SLC25A18: variants seen among roughly 807,000 people sequenced by gnomAD.
SLC25A18 encodes mitochondrial glutamate carrier 2.
Under a neutral mutation model 31.1 loss-of-function variants are expected in SLC25A18, and 24 were observed. The observed-to-expected ratio is 0.77, with a 90% CI of 0.56 to 1.08. SLC25A18 has a LOEUF of 1.08. SLC25A18 is among the 50% of genes least tolerant of loss of function. SLC25A18 has a pLI of 0.00. For missense variants in SLC25A18, 371 were observed against 418.5 expected (o/e 0.89, Z 0.99); for synonymous variants, 173 against 161.9 (o/e 1.07, Z -0.52).
chr22:17,565,373 G>A (rs174365), intron 1 of SLC25A18, among the ~76,000 whole-genome samples: 75,117 of 151,164 alleles, frequency 0.5, 18,717 homozygotes, highest in Non-Finnish European at 0.51. Flanking sequence ...GAGCCACCAC[G>A]CCCTGCCAAA....
At chr22:17,578,893 T>C (rs1328186047) in intron 2 of SLC25A18, among the ~76,000 whole-genome samples, 1 of 151,998 alleles carries the variant, frequency 6.6e-6, no homozygotes, top group Non-Finnish European at 1.5e-5. Context: ...AGAGCGAAAC[T>C]CCATCTCAAA....
intron 2 of SLC25A18, 35 bp from the exon 3 acceptor site, chr22:17,579,710 T>C: frequency 7.3e-7 from 1 of 1,361,876 alleles, no homozygotes; most frequent in Non-Finnish European, 9.4e-7. Context: ...TCCTCGCCCA[T>C]CTGTGAGGTG....
intron 2 of SLC25A18, among the ~76,000 whole-genome samples, chr22:17,576,819 G>A (rs1468793177): frequency 6.6e-6 from 1 of 152,316 alleles, no homozygotes; most frequent in East Asian, 1.9e-4. Flanking sequence ...TATCACATCT[G>A]TTAGCTATGC....
intron 2 of SLC25A18, among the ~76,000 whole-genome samples, chr22:17,573,565 GTTCT>G (rs1398110775): frequency 6.6e-6 from 1 of 152,182 alleles, no homozygotes; most frequent in African/African-American, 2.4e-5. Context: ...CAGCTGAGGT[GTTCT>G]TTCTGTCAAG....
intron 7 of SLC25A18, among the ~76,000 whole-genome samples, chr22:17,586,336 CCTT>C (rs1018543711): frequency 6.6e-6 from 1 of 151,030 alleles, no homozygotes; most frequent in African/African-American, 2.4e-5. Flanking sequence ...TGGTAAGACA[CCTT>C]CTCTACTAAA....
At chr22:17,589,859 C>T (rs1260143299) in intron 10 of SLC25A18, among the ~76,000 whole-genome samples, 194 bp downstream of exon 10, 1 of 152,220 alleles carries the variant, frequency 6.6e-6, no homozygotes, top group East Asian at 1.9e-4. Flanking sequence ...TACAGCATCT[C>T]TCACCAAAGA....
intron 10 of SLC25A18, 145 bp from the exon 11 acceptor site, chr22:17,589,950 C>G (rs2057672164): frequency 1.7e-6 from 2 of 1,200,418 alleles, no homozygotes; most frequent in Non-Finnish European, 2.3e-6. Flanking sequence ...GCGGGCGAGG[C>G]ACAGCTCCCA....
At chr22:17,573,856 T>A (rs1375910943) in intron 2 of SLC25A18, among the ~76,000 whole-genome samples, 1 of 152,078 alleles carries the variant, frequency 6.6e-6, no homozygotes, top group Non-Finnish European at 1.5e-5. Context: ...CTCTGAAGGG[T>A]CTCCTAATTG....
intron 2 of SLC25A18, among the ~76,000 whole-genome samples, chr22:17,573,739 C>A (rs187928913): frequency 1.3e-5 from 2 of 152,164 alleles, no homozygotes; most frequent in African/African-American, 4.8e-5. Context: ...TGGTTCTCTG[C>A]GGTTCAGCCC....
At chr22:17,579,676 G>T in intron 2 of SLC25A18, 69 bp from the exon 3 acceptor site, 1 of 1,213,350 alleles carries the variant, frequency 8.2e-7, no homozygotes, top group Non-Finnish European at 1.0e-6. Context: ...CAAGCGGGCC[G>T]CATGAATCCA....
rs746032622 is a variant in SLC25A18 at position 17,582,589 on chromosome 22, A to C, written c.226A>C (p.Thr76Pro). ...RGAAVNLTLV[T>P]PEKAIKLAAN... ...GGCTGCAGTGAACCTCACTCTGGTC[A>C]CTCCAGAGAAGGCCATCAAGCTGGC... Residue 76 changes from threonine (T) to proline (P), a missense_variant, in exon 6 of 11, where the codon ACT (threonine) becomes CCT (proline). Thr to Pro is a conservative substitution (Grantham distance 38, BLOSUM62 -1). Transcript: ENST00000327451. 6.2e-7 allele frequency: 1 copy of C among 1,602,528 alleles called. No individual in the cohort carries two copies. Among genetic ancestry groups the C allele is most frequent in the Non-Finnish European group, 8.5e-7 (1 of 1,173,958 alleles).
intron 2 of SLC25A18, among the ~76,000 whole-genome samples, chr22:17,577,801 G>A (rs1384727865): frequency 2.0e-5 from 3 of 150,426 alleles, no homozygotes; most frequent in African/African-American, 7.4e-5. Context: ...GGCTGGTCTC[G>A]AACTCCTGAC....
chr22:17,581,708 T>G (rs967042883), intron 5 of SLC25A18: 11 of 404,244 alleles, frequency 2.7e-5, no homozygotes, highest in Admixed American at 1.6e-4. Flanking sequence ...TGAAAGGGAC[T>G]GAGGGACGGG....
chr22:17,587,285 GGTGCCAC>G lies in SLC25A18; in HGVS notation c.560_566del (p.Gly187ValfsTer46). ...CCTGGCTGGGCTCTACAGGGGCCTG[GGTGCCAC>G]TCTCCTCAGGTGAGCCTTTCTTCCG... On this transcript the variant is annotated frameshift_variant, in exon 8 of 11. Coordinates refer to ENST00000327451, the MANE Select transcript of SLC25A18 (RefSeq NM_031481.3). LOFTEE classifies it high-confidence loss of function. 1 of 1,613,010 alleles carries G rather than the reference GGTGCCAC, an allele frequency of 6.2e-7. No homozygotes were observed. The highest frequency in any genetic ancestry group is 8.5e-7 in the Non-Finnish European group (1 of 1,179,844).
intron 1 of SLC25A18, among the ~76,000 whole-genome samples, chr22:17,563,948 A>G (rs1282518955): frequency 6.6e-6 from 1 of 152,180 alleles, no homozygotes; most frequent in African/African-American, 2.4e-5. Context: ...TCGTACCGGG[A>G]GGGTGGAGTG....
rs2057682846 is a variant in SLC25A18 at position 17,590,299 on chromosome 22, GA to G, written c.*64del. On this transcript the variant is annotated 3_prime_UTR_variant, in exon 11 of 11. Transcript: ENST00000327451. ...CTCTCTAGCTGTTTCACTTAGCCTA[GA>G]GGGGGCAAGGGCAGGTGGGGCCACT... 7 of 1,605,692 alleles carry G rather than the reference GA, an allele frequency of 4.4e-6. No homozygotes were observed. The East Asian group carries it at 8.9e-5, about 20-fold the overall frequency.
intron 6 of SLC25A18, among the ~76,000 whole-genome samples, chr22:17,583,025 T>C (rs1320611563): frequency 6.6e-6 from 1 of 151,936 alleles, no homozygotes. Flanking sequence ...CAGTGAGCCA[T>C]GTTGGCTCCA....
chr22:17,581,371 A>G lies in SLC25A18; in HGVS notation c.157A>G (p.Met53Val), dbSNP rs755753236. ...AMYKGMIDCL[M>V]KTARAEGFFG... ...CTCTGCTTCCAGGATCGACTGCCTG[A>G]TGAAGACGGCTCGGGCGGAGGGCTT... Residue 53 changes from methionine (M) to valine (V), a missense_variant, in exon 5 of 11, where the codon ATG (methionine) becomes GTG (valine). Transcript: ENST00000327451. 6.2e-7 allele frequency: 1 copy of G among 1,614,070 alleles called. No homozygotes were observed. Among genetic ancestry groups the G allele is most frequent in the Non-Finnish European group, 8.5e-7 (1 of 1,180,004 alleles).
At chr22:17,572,969 C>T (rs549626532) in intron 2 of SLC25A18, among the ~76,000 whole-genome samples, 6 of 151,982 alleles carry the variant, frequency 3.9e-5, no homozygotes, top group Admixed American at 2.0e-4. Flanking sequence ...AAAAATTAAC[C>T]GGGCGTGATG....
Sources: allele counts gnomAD v4.1 joint callset (sites outside exome capture counted in the v4.1 genomes callset), GRCh38; gene constraint gnomAD v4.1.1; transcripts MANE v1.5; gene names NCBI Gene and HGNC (gene_info 2026-07-23, HGNC 2026-07-21).